The following MYH10 variants were observed in gnomAD, a reference collection of about 807,000 sequenced individuals.
The protein encoded by MYH10 is myosin heavy chain 10.
Under a neutral mutation model 257.8 loss-of-function variants are expected in MYH10, and 55 were observed. That is an observed-to-expected ratio of 0.21 (90% CI 0.17 to 0.27). The LOEUF (loss-of-function observed/expected upper bound fraction) is 0.27, where lower values mean the gene tolerates loss of function less well. Ranked by LOEUF, MYH10 falls within the 10% of genes least tolerant of loss-of-function variation. The probability of loss-of-function intolerance (pLI) is 1.00; values close to 1 mark genes in which losing one functional copy is unlikely to be tolerated. For synonymous variants in MYH10, 854 were observed against 921.7 expected, an observed-to-expected ratio of 0.93 and a Z score of 1.33; for missense variants, 1,631 against 2,500.6, an observed-to-expected ratio of 0.65 and a Z score of 7.42.
rs1915026084 is a variant in MYH10, at chr17:8,487,380, G to C, written c.5046+53C>G. The C allele has an allele frequency of 1.9e-6, 3 of 1,604,566 alleles. No individual in the cohort carries two copies. In the South Asian group the frequency reaches 3.3e-5, roughly 18 times the overall value. ...CTTCACTGCTGGACTCTGTGTAAAA[G>C]CCACATAGGTCACGTGGTGCCATCC... On this transcript the variant is annotated intron_variant, in intron 36 of 42. Coordinates refer to ENST00000360416, the MANE Select transcript of MYH10 (RefSeq NM_001256012.3).
intron 17 of MYH10, among the ~76,000 whole-genome samples, chr17:8,522,811 C>T (rs2081699896): frequency 6.6e-6 from 1 of 152,200 alleles, no homozygotes; most frequent in Non-Finnish European, 1.5e-5. Flanking sequence ...CAGGCAATGA[C>T]TGGTCAATTG....
In MYH10 at chr17:8,514,042, G is replaced by C. The variant is rs142268275; in HGVS notation, c.2505-148C>G. On this transcript the variant is annotated intron_variant, in intron 21 of 42. Coordinates refer to ENST00000360416, the MANE Select transcript of MYH10 (RefSeq NM_001256012.3). ...TCAAGTCCTGGGTGAGACGCACAAGGAAGCCGTTCTGGCCGCTCGAAGCCA... is the reference window on the plus strand; with the variant it reads ...TCAAGTCCTGGGTGAGACGCACAAGCAAGCCGTTCTGGCCGCTCGAAGCCA... The C allele has an allele frequency of 1.1e-4, 81 of 760,424 alleles. No individual in the cohort carries two copies. The African/African-American group carries it at 1.2e-3, about 11-fold the overall frequency. 47.1% of individuals were successfully genotyped at this position (760,424 alleles called of 1,614,324 possible).
At position 8,495,252 on chromosome 17, in the gene MYH10, C is replaced by G. The variant is rs1410759616; in HGVS notation, c.3952-11G>C. ...ATTATCTAGCTCATTCTGTAAGGAG[C>G]AGAAGATTAAATTCAACTCAATAGT... is the stretch of plus-strand genomic sequence containing the variant. On this transcript the variant is annotated splice_polypyrimidine_tract_variant and intron_variant, in intron 30 of 42. Transcript: ENST00000360416. 1 of 1,540,454 alleles carries G rather than the reference C, an allele frequency of 6.5e-7. No individual in the cohort carries two copies. Among genetic ancestry groups the G allele is most frequent in the African/African-American group, 1.4e-5 (1 of 73,368 alleles).
intron 4 of MYH10, among the ~76,000 whole-genome samples, chr17:8,578,100 G>A (rs996587423): frequency 3.3e-5 from 5 of 152,142 alleles, no homozygotes; most frequent in African/African-American, 1.2e-4. Context: ...GCCACTGAAA[G>A]CTTTCTCAGA....
intron 6 of MYH10, among the ~76,000 whole-genome samples, chr17:8,572,228 C>CTGTGTGTG (rs1291381550): frequency 6.2e-5 from 5 of 80,266 alleles, no homozygotes; most frequent in African/African-American, 2.3e-4. Flanking sequence ...CTTTTCCTCT[C>CTGTGTGTG]TGTGTGTGTG....
intron 19 of MYH10, among the ~76,000 whole-genome samples, chr17:8,519,531 T>C (rs2081580344): frequency 6.6e-6 from 1 of 151,828 alleles, no homozygotes; most frequent in Admixed American, 6.6e-5. Flanking sequence ...TGGCTATATA[T>C]TAAAGGAGGA....
In MYH10 at chr17:8,535,990, G is replaced by T; in HGVS notation, c.1606-59C>A. The T allele has an allele frequency of 1.4e-6, 2 of 1,470,780 alleles. No individual in the cohort carries two copies. The highest frequency in any genetic ancestry group is 1.9e-6 in the Non-Finnish European group (2 of 1,072,856). The allele number at this position is 1,470,780 out of a possible 1,614,324, so 91.1% of individuals were successfully genotyped here. A position where few individuals can be genotyped will look rare whatever the true frequency, so the allele number is the denominator to read the frequency against. ...TTGCATGCCACTTTAATACTACTGA[G>T]TCTGGCACTTAAACTTCTAAAACAA... is the stretch of plus-strand genomic sequence containing the variant. On this transcript the variant is annotated intron_variant, in intron 14 of 42. Transcript: ENST00000360416. This position sits in a 1 kb window ranked among gnomAD's most constrained non-coding sequence, Gnocchi z 4.3.
intron 2 of MYH10, among the ~76,000 whole-genome samples, chr17:8,606,821 C>T (rs958567261): frequency 6.6e-6 from 1 of 152,182 alleles, no homozygotes; most frequent in African/African-American, 2.4e-5. Flanking sequence ...GTTATCTGTT[C>T]GTTCTTTGCC....
chr17:8,498,009 T>A (rs1324406865), intron 30 of MYH10, among the ~76,000 whole-genome samples: 3 of 104,164 alleles, frequency 2.9e-5, no homozygotes, highest in Non-Finnish European at 5.4e-5. Context: ...TGAGACAGAG[T>A]CTTGTTCTGT....
chr17:8,544,248 C>G (rs1431606627), intron 13 of MYH10, among the ~76,000 whole-genome samples: 1 of 152,142 alleles, frequency 6.6e-6, no homozygotes, highest in Non-Finnish European at 1.5e-5. Context: ...GTCACATTTT[C>G]CCATCGAGAA....
chr17:8,584,939 G>C (rs539405894), intron 4 of MYH10, among the ~76,000 whole-genome samples: 3 of 152,034 alleles, frequency 2.0e-5, no homozygotes, highest in Non-Finnish European at 4.4e-5. Context: ...CGCCTCCCGG[G>C]TTCAAGCAAT....
intron 11 of MYH10, 56 bp from the exon 12 acceptor site, chr17:8,546,718 A>G (rs1471632873): frequency 2.4e-6 from 3 of 1,262,384 alleles, no homozygotes; most frequent in Admixed American, 3.7e-5. Flanking sequence ...TCTACTCACA[A>G]TATATTCAAT....
chr17:8,528,609 C>A (rs1237975175), intron 17 of MYH10, among the ~76,000 whole-genome samples: 1 of 152,136 alleles, frequency 6.6e-6, no homozygotes, highest in African/African-American at 2.4e-5. Context: ...TGTACTTAAG[C>A]ACATGGGTCC....
intron 7 of MYH10, among the ~76,000 whole-genome samples, chr17:8,564,577 A>G (rs1003450397): frequency 6.6e-6 from 1 of 152,174 alleles, no homozygotes; most frequent in Non-Finnish European, 1.5e-5. Flanking sequence ...TAAAGTTAAC[A>G]CCAATATGAA....
intron 7 of MYH10, among the ~76,000 whole-genome samples, chr17:8,559,849 C>T (rs1019660565): frequency 2.0e-5 from 3 of 152,108 alleles, no homozygotes; most frequent in Admixed American, 1.3e-4. Context: ...TTTTAAACAG[C>T]TGTATTATCT....
At chr17:8,573,917 G>A (rs2083423354) in intron 6 of MYH10, 4 of 601,270 alleles carry the variant, frequency 6.7e-6, no homozygotes, top group Non-Finnish European at 8.3e-6. Context: ...TGCCAATGAG[G>A]ATATGGAGAA....
At chr17:8,492,224 C>A in intron 34 of MYH10, 73 bp downstream of exon 34, 2 of 1,455,848 alleles carry the variant, frequency 1.4e-6, no homozygotes, top group Non-Finnish European at 9.4e-7. Flanking sequence ...AGGAGTCGCC[C>A]GCTCCTGTGT....
intron 6 of MYH10, among the ~76,000 whole-genome samples, chr17:8,571,827 C>G (rs542101591): frequency 3.3e-5 from 5 of 152,236 alleles, no homozygotes; most frequent in African/African-American, 1.2e-4. Flanking sequence ...CCTCCACCCC[C>G]CCGGGGTCAG....
chr17:8,587,231 T>G (rs1459636419), intron 4 of MYH10, among the ~76,000 whole-genome samples: 2 of 152,226 alleles, frequency 1.3e-5, no homozygotes, highest in East Asian at 3.9e-4. Context: ...CTGGCCCAGA[T>G]CTGCAGAACT....
Sources: allele counts gnomAD v4.1 joint callset (sites outside exome capture counted in the v4.1 genomes callset), GRCh38; gene constraint gnomAD v4.1.1; non-coding constraint Gnocchi (gnomAD v3.1); transcripts MANE v1.5; gene names NCBI Gene and HGNC (gene_info 2026-07-23, HGNC 2026-07-21).